The following IQCF1 variants were observed in gnomAD, a reference collection of about 807,000 sequenced individuals.
IQCF1 encodes IQ motif containing F1.
In IQCF1, 9 loss-of-function variants were observed where a neutral mutation model predicts 12.5. That is an observed-to-expected ratio of 0.72 (90% CI 0.43 to 1.26). The LOEUF (loss-of-function observed/expected upper bound fraction) is 1.26. Among genes scored for constraint, IQCF1 ranks in the 50% most tolerant of loss-of-function variants. IQCF1 has a pLI of 0.00. For synonymous variants in IQCF1, 67 were observed against 96.2 expected (o/e 0.70, Z 1.78); for missense variants, 252 against 257.4 (o/e 0.98, Z 0.14).
At chr3:51,902,931 G>T in intron 2 of IQCF1, 54 bp downstream of exon 2, 1 of 1,268,172 alleles carries the variant, frequency 7.9e-7, no homozygotes, top group African/African-American at 1.5e-5. Context: ...AAAGACACTA[G>T]CTACTAGCAC....
At chr3:51,896,057 T>C (rs1413446199) in intron 3 of IQCF1, among the ~76,000 whole-genome samples, 1 of 152,182 alleles carries the variant, frequency 6.6e-6, no homozygotes, top group Non-Finnish European at 1.5e-5. Flanking sequence ...TGCATCTGAG[T>C]CTCTATTAAC....
At chr3:51,896,461 T>A (rs1699003457) in intron 3 of IQCF1, among the ~76,000 whole-genome samples, 1 of 152,202 alleles carries the variant, frequency 6.6e-6, no homozygotes, top group Admixed American at 6.5e-5. Context: ...TTCTCAGGAC[T>A]TCCTGAGGGC....
intron 1 of IQCF1, 44 bp from the exon 2 acceptor site, chr3:51,903,133 C>T (rs1559736860): frequency 6.3e-7 from 1 of 1,599,234 alleles, no homozygotes; most frequent in Non-Finnish European, 8.6e-7. Flanking sequence ...GGCTGCGGTC[C>T]CTCCCTCTCC....
chr3:51,900,687 A>AG lies in IQCF1; in HGVS notation c.108+2297dup, dbSNP rs1018729579. On this transcript the variant is annotated intron_variant, in intron 2 of 3. Coordinates refer to ENST00000310914, the MANE Select transcript of IQCF1 (RefSeq NM_152397.3). The surrounding 1 kb of genome is among the most constrained non-coding windows in gnomAD (Gnocchi z 4.2). ...GGGTTCTGTGGACCACTAAAGAGCA[A>AG]GGATGGACTGCCCCAACCGGTTTTT... Among the ~76,000 whole-genome samples, 186 of 152,340 alleles carry AG rather than the reference A, an allele frequency of 1.2e-3. No individual in the cohort carries two copies. The highest frequency in any genetic ancestry group is 4.2e-3 in the African/African-American group (176 of 41,578).
chr3:51,897,634 A>G (rs1699025345), intron 2 of IQCF1, among the ~76,000 whole-genome samples: 1 of 152,200 alleles, frequency 6.6e-6, no homozygotes, highest in African/African-American at 2.4e-5. Flanking sequence ...GGATCCTCAC[A>G]TACTGCGGCA....
At position 51,900,070 on chromosome 3, in the gene IQCF1, C is replaced by T. The variant is rs1559736121; in HGVS notation, c.108+2915G>A. ...CGGTTTATCTTCCACTTTCCTTTCC[C>T]TCAAAACTAAAAGTCTTTTAGCACA... is the stretch of plus-strand genomic sequence containing the variant. On this transcript the variant is annotated intron_variant, in intron 2 of 3. Coordinates refer to ENST00000310914, the MANE Select transcript of IQCF1 (RefSeq NM_152397.3). This position sits in a 1 kb window ranked among gnomAD's most constrained non-coding sequence, Gnocchi z 4.2. Among the ~76,000 whole-genome samples, 2 of 152,134 alleles carry T rather than the reference C, an allele frequency of 1.3e-5. No homozygotes were observed. Among genetic ancestry groups the T allele is most frequent in the African/African-American group, 4.8e-5 (2 of 41,428 alleles).
chr3:51,902,886 C>T (rs769071431), intron 2 of IQCF1, 99 bp downstream of exon 2: 1,107 of 941,426 alleles, frequency 1.2e-3, no homozygotes, highest in Non-Finnish European at 1.7e-3. Context: ...ATTTCTTTTG[C>T]GGCACAGAAA....
chr3:51,896,391 G>A (rs1251993082), intron 3 of IQCF1, among the ~76,000 whole-genome samples: 1 of 152,090 alleles, frequency 6.6e-6, no homozygotes, highest in Non-Finnish European at 1.5e-5. Flanking sequence ...TTTGATTGAT[G>A]TCCCATACCT....
Position 51,895,399 on chromosome 3 carries a change from G to A in IQCF1, c.172-63C>T, listed in dbSNP as rs1698992145. 6 of 1,385,716 alleles carry A rather than the reference G, an allele frequency of 4.3e-6. No homozygotes were observed. Among genetic ancestry groups the A allele is most frequent in the Non-Finnish European group, 5.9e-6 (6 of 1,012,772 alleles). The allele number at this position is 1,385,716 out of a possible 1,614,324, so 85.8% of individuals were successfully genotyped here. A position where few individuals can be genotyped will look rare whatever the true frequency, so the allele number is the denominator to read the frequency against. On this transcript the variant is annotated intron_variant, in intron 3 of 3. Coordinates refer to ENST00000310914, the MANE Select transcript of IQCF1 (RefSeq NM_152397.3). This position sits in a 1 kb window ranked among gnomAD's most constrained non-coding sequence, Gnocchi z 4.8. ...CCCACTGGCTTCAGCTCTGGGGTGT[G>A]CCAGGAAAGGCCCTGATTCCCTATC...
intron 2 of IQCF1, 110 bp downstream of exon 2, chr3:51,902,875 T>C: frequency 3.4e-6 from 3 of 883,738 alleles, no homozygotes; most frequent in Non-Finnish European, 5.8e-6. Flanking sequence ...ATTTGAGTGC[T>C]ATTTCTTTTG....
chr3:51,895,807 A>C lies in IQCF1; in HGVS notation c.172-471T>G, dbSNP rs1313875285. Among the ~76,000 whole-genome samples, 1 of 152,166 alleles carries C rather than the reference A, an allele frequency of 6.6e-6. No individual in the cohort carries two copies. The highest frequency in any genetic ancestry group is 1.5e-5 in the Non-Finnish European group (1 of 68,030). ...TCTCCCTCTGTCATGTCTGAAGACT[A>C]AACCCTGATTTTTTCTATGTTGCCC... On this transcript the variant is annotated intron_variant, in intron 3 of 3. Transcript: ENST00000310914. This position sits in a 1 kb window ranked among gnomAD's most constrained non-coding sequence, Gnocchi z 4.8.
Position 51,900,700 on chromosome 3 carries a change from C to T in IQCF1, c.108+2285G>A, listed in dbSNP as rs532473597. Among the ~76,000 whole-genome samples the T allele has an allele frequency of 1.2e-4, 18 of 152,266 alleles. No homozygotes were observed. The highest frequency in any genetic ancestry group is 6.5e-4 in the Admixed American group (10 of 15,304). ...CACTAAAGAGCAAGGATGGACTGCC[C>T]CAACCGGTTTTTGTAATTTCCTAAA... is the stretch of plus-strand genomic sequence containing the variant. On this transcript the variant is annotated intron_variant, in intron 2 of 3. Transcript: ENST00000310914. This position sits in a 1 kb window ranked among gnomAD's most constrained non-coding sequence, Gnocchi z 4.2.
chr3:51,900,601 C>A lies in IQCF1; in HGVS notation c.108+2384G>T, dbSNP rs1309143092. On this transcript the variant is annotated intron_variant, in intron 2 of 3. Transcript: ENST00000310914. The surrounding 1 kb of genome is among the most constrained non-coding windows in gnomAD (Gnocchi z 4.2). The stretch of plus-strand genomic sequence containing the variant: ...TAATCCTGGGAGATTTTGATAAAGA[C>A]CCCAGTGTCAACCAGGAGTCTTGCC... Among the ~76,000 whole-genome samples, 1 of 152,142 alleles carries A rather than the reference C, an allele frequency of 6.6e-6. No homozygotes were observed. Among genetic ancestry groups the A allele is most frequent in the Non-Finnish European group, 1.5e-5 (1 of 68,030 alleles).
intron 2 of IQCF1, among the ~76,000 whole-genome samples, chr3:51,899,818 C>G (rs1481378665): frequency 2.0e-5 from 3 of 152,076 alleles, no homozygotes; most frequent in Non-Finnish European, 4.4e-5. Context: ...TTAAGTTTAA[C>G]ATTAATAACA....
In IQCF1 at chr3:51,896,828, A is replaced by T; in HGVS notation, c.171+4T>A. 1 of 1,610,242 alleles carries T rather than the reference A, an allele frequency of 6.2e-7. No individual in the cohort carries two copies. The highest frequency in any genetic ancestry group is 8.5e-7 in the Non-Finnish European group (1 of 1,176,516). On this transcript the variant is annotated splice_donor_region_variant and intron_variant, in intron 3 of 3. Coordinates refer to ENST00000310914, the MANE Select transcript of IQCF1 (RefSeq NM_152397.3). ...CCAGCCCTGTGTGGTTTGGGAGGTC[A>T]TACTTTTTCTGATTTCTCATTGGCA... is the stretch of plus-strand genomic sequence containing the variant.
chr3:51,900,770 A>C lies in IQCF1; in HGVS notation c.108+2215T>G, dbSNP rs1699066281. Among the ~76,000 whole-genome samples, 1 of 152,196 alleles carries C rather than the reference A, an allele frequency of 6.6e-6. No homozygotes were observed. Among genetic ancestry groups the C allele is most frequent in the Admixed American group, 6.5e-5 (1 of 15,278 alleles). On this transcript the variant is annotated intron_variant, in intron 2 of 3. Transcript: ENST00000310914. The surrounding 1 kb of genome is among the most constrained non-coding windows in gnomAD (Gnocchi z 4.2). ...AGAGGGACAGCCCCCGCCTCCCACT[A>C]ACTGTCAGCTAAACCAGTGCAATCC...
chr3:51,902,321 A>T (rs938605199), intron 2 of IQCF1, among the ~76,000 whole-genome samples: 1 of 152,206 alleles, frequency 6.6e-6, no homozygotes, highest in African/African-American at 2.4e-5. Flanking sequence ...AAGCCAAGAC[A>T]TGTTAAAGAA....
chr3:51,902,944 G>A, intron 2 of IQCF1, 41 bp downstream of exon 2: 1 of 1,431,476 alleles, frequency 7.0e-7, no homozygotes. Flanking sequence ...ACTAGCACTA[G>A]GACATGGGAT....
intron 2 of IQCF1, among the ~76,000 whole-genome samples, chr3:51,899,401 T>C (rs1699050012): frequency 6.6e-6 from 1 of 152,202 alleles, no homozygotes; most frequent in Non-Finnish European, 1.5e-5. Flanking sequence ...AATTTAAAAG[T>C]AATTAGGCCT....
Sources: gnomAD v4.1 joint callset for allele counts (sites outside exome capture counted in the v4.1 genomes callset) on GRCh38, gnomAD v4.1.1 for gene constraint, Gnocchi (gnomAD v3.1) non-coding constraint, MANE v1.5 for transcripts, NCBI Gene and HGNC (gene_info 2026-07-23, HGNC 2026-07-21) for gene names.